EPHA6: variants seen among roughly 807,000 people sequenced by gnomAD.
The protein encoded by EPHA6 is EPH receptor A6.
In EPHA6, 50 loss-of-function variants were observed where a neutral mutation model predicts 112.0. That is an observed-to-expected ratio of 0.45 (90% confidence interval 0.36 to 0.56). The LOEUF is 0.56. EPHA6 is among the 20% of genes least tolerant of loss of function. The pLI is 0.00. For missense variants in EPHA6, 1,280 were observed against 1,417.4 expected (o/e 0.90, Z 1.56); for synonymous variants, 529 against 490.7 (o/e 1.08, Z -1.03).
intron 3 of EPHA6, among the ~76,000 whole-genome samples, chr3:97,064,166 T>G (rs950625477): frequency 6.6e-6 from 1 of 152,210 alleles, no homozygotes; most frequent in South Asian, 2.1e-4. Context: ...AGAAAACTTG[T>G]GTACTGAATT....
At chr3:97,327,336 A>T (rs1315881873) in intron 5 of EPHA6, among the ~76,000 whole-genome samples, 1 of 152,046 alleles carries the variant, frequency 6.6e-6, no homozygotes. Context: ...TAATACAGAG[A>T]TCCCTTGTGT....
chr3:97,384,842 C>T (rs1385012101), intron 5 of EPHA6, among the ~76,000 whole-genome samples: 1 of 152,036 alleles, frequency 6.6e-6, no homozygotes, highest in African/African-American at 2.4e-5. Context: ...AATATATCAA[C>T]ATCTTGAAGA....
rs1174035477 is a variant in EPHA6, at chr3:96,881,284, A to G, written c.450+14395A>G. ...TGCTGTTAAAGACATACCCAAGACT[A>G]GGAAGAAAAATAGGTTTATTGTAGT... On this transcript the variant is annotated intron_variant, in intron 2 of 17. Transcript: ENST00000389672. 2.0e-5 allele frequency among the ~76,000 whole-genome samples: 3 copies of G among 152,182 alleles called. No individual in the cohort carries two copies. In the East Asian group the frequency reaches 5.8e-4, roughly 29 times the overall value.
chr3:97,689,323 T>C (rs1198959873), intron 14 of EPHA6, among the ~76,000 whole-genome samples: 2 of 152,258 alleles, frequency 1.3e-5, no homozygotes, highest in African/African-American at 2.4e-5. Flanking sequence ...TAATTTGTCC[T>C]TCCAGTGTAA....
chr3:97,176,620 G>T, intron 3 of EPHA6, among the ~76,000 whole-genome samples: 1 of 151,778 alleles, frequency 6.6e-6, no homozygotes, highest in African/African-American at 2.4e-5. Context: ...GTTCGATCTT[G>T]GTAGGTTGCG....
At chr3:97,201,945 C>T (rs1331159048) in intron 3 of EPHA6, among the ~76,000 whole-genome samples, 2 of 152,076 alleles carry the variant, frequency 1.3e-5, no homozygotes, top group African/African-American at 2.4e-5. Flanking sequence ...GATTGCTCAT[C>T]GTTGGCAAAG....
At chr3:97,177,805 T>G (rs2076878863) in intron 3 of EPHA6, among the ~76,000 whole-genome samples, 1 of 152,188 alleles carries the variant, frequency 6.6e-6, no homozygotes, top group African/African-American at 2.4e-5. Context: ...ATGGAATATC[T>G]CTTACCATCT....
rs116702667 is a variant in EPHA6, at chr3:97,287,103, A to G, written c.1606+42816A>G. ...TTGTATGTTGATTTTATATCCTGCA[A>G]CTTTACTGAATTTATTTATCAGGTC... On this transcript the variant is annotated intron_variant, in intron 5 of 17. Transcript: ENST00000389672. Among the ~76,000 whole-genome samples the G allele has an allele frequency of 3.2e-3, 487 of 152,216 alleles. 3 individuals are homozygous for G. Among genetic ancestry groups the G allele is most frequent in the South Asian group, 0.015 (70 of 4,820 alleles).
At chr3:97,684,194 G>A (rs2032081690) in intron 14 of EPHA6, among the ~76,000 whole-genome samples, 1 of 151,956 alleles carries the variant, frequency 6.6e-6, no homozygotes, top group Admixed American at 6.6e-5. Context: ...TTCGTACTCA[G>A]CACGTTTCAT....
At chr3:96,941,598 C>A (rs1009768715) in intron 2 of EPHA6, among the ~76,000 whole-genome samples, 1 of 152,212 alleles carries the variant, frequency 6.6e-6, no homozygotes, top group Non-Finnish European at 1.5e-5. Context: ...TCTCTCAACT[C>A]GTCAAAGTCA....
At chr3:97,300,783 G>A (rs2081061226) in intron 5 of EPHA6, among the ~76,000 whole-genome samples, 1 of 151,978 alleles carries the variant, frequency 6.6e-6, no homozygotes, top group Admixed American at 6.6e-5. Context: ...CTATAGGATA[G>A]CAGGCTCGAA....
At chr3:97,049,942 CAG>C (rs1300644224) in intron 3 of EPHA6, among the ~76,000 whole-genome samples, 4 of 152,144 alleles carry the variant, frequency 2.6e-5, no homozygotes, top group African/African-American at 9.7e-5. Context: ...TGAGGTTTGA[CAG>C]AGAGAAACAT....
chr3:97,537,995 G>A (rs2092787313), intron 11 of EPHA6, among the ~76,000 whole-genome samples: 1 of 152,186 alleles, frequency 6.6e-6, no homozygotes, highest in African/African-American at 2.4e-5. Context: ...TGAATGCAGG[G>A]AGGGAGCAAA....
At chr3:97,497,847 G>A (rs959639511) in intron 10 of EPHA6, among the ~76,000 whole-genome samples, 2 of 151,992 alleles carry the variant, frequency 1.3e-5, no homozygotes, top group African/African-American at 2.4e-5. Flanking sequence ...TGAATTTTAG[G>A]AGAATTACAT....
At chr3:97,117,081 G>C (rs1011778307) in intron 3 of EPHA6, among the ~76,000 whole-genome samples, 9 of 151,534 alleles carry the variant, frequency 5.9e-5, no homozygotes, top group Non-Finnish European at 1.3e-4. Context: ...GATGATCAGT[G>C]ATGTTAAACA....
intron 1 of EPHA6, among the ~76,000 whole-genome samples, chr3:96,842,028 G>T (rs1176139242): frequency 3.3e-5 from 5 of 151,998 alleles, no homozygotes; most frequent in Non-Finnish European, 7.4e-5. Flanking sequence ...CACCTGTGTT[G>T]CAGCTGCCAC....
chr3:97,044,919 CAAAT>C (rs2045450067), intron 3 of EPHA6, among the ~76,000 whole-genome samples: 1 of 151,876 alleles, frequency 6.6e-6, no homozygotes, highest in Non-Finnish European at 1.5e-5. Flanking sequence ...TTGTTTAACT[CAAAT>C]AAAAATCTGT....
chr3:97,757,740 GATATA>G lies in EPHA6; in HGVS notation c.*9044_*9048del, dbSNP rs2036060121. On this transcript the variant is annotated 3_prime_UTR_variant, in exon 18 of 18. Coordinates refer to ENST00000389672, the MANE Select transcript of EPHA6 (RefSeq NM_001080448.3). ...TAGTACTTACATATTAATTTTATGT[GATATA>G]ATATGTTTTGATCTCTAAATGCTTA... 1.3e-5 allele frequency among the ~76,000 whole-genome samples: 2 copies of G among 151,716 alleles called. No homozygotes were observed. Among genetic ancestry groups the G allele is most frequent in the South Asian group, 2.1e-4 (1 of 4,808 alleles).
Position 97,479,457 on chromosome 3 carries a change from G to GA in EPHA6, c.2074+103dup, listed in dbSNP as rs3217695. 4.1e-3 allele frequency: 3,001 copies of GA among 726,026 alleles called. 1 individual carries two copies. Among genetic ancestry groups the GA allele is most frequent in the South Asian group, 4.8e-3 (136 of 28,054 alleles). The allele number at this position is 726,026 out of a possible 1,614,324, so 45.0% of individuals were successfully genotyped here. On this transcript the variant is annotated intron_variant, in intron 9 of 17. Coordinates refer to ENST00000389672, the MANE Select transcript of EPHA6 (RefSeq NM_001080448.3). ...TGTATCTATTGAGTTGAGAAAAAAAGAAAAAAAAAATCACTTCCAACCTTT... is the reference window on the plus strand; with the variant it reads ...TGTATCTATTGAGTTGAGAAAAAAAGAAAAAAAAAAATCACTTCCAACCTTT...
Sources: allele counts gnomAD v4.1 joint callset (sites outside exome capture counted in the v4.1 genomes callset), GRCh38; gene constraint gnomAD v4.1.1; transcripts MANE v1.5; gene names NCBI Gene and HGNC (gene_info 2026-07-23, HGNC 2026-07-21).